EFCAB8: variants seen among roughly 807,000 people sequenced by gnomAD.
The protein encoded by EFCAB8 is EF-hand calcium-binding domain-containing protein 8.
A neutral mutation model predicts 116.3 loss-of-function variants in EFCAB8; 100 were observed. That is an observed-to-expected ratio of 0.86 (90% CI 0.73 to 1.02). The LOEUF (loss-of-function observed/expected upper bound fraction) is 1.02. Among genes scored for constraint, EFCAB8 ranks in the 50% least tolerant of loss-of-function variants. EFCAB8 has a pLI of 0.00. For missense variants in EFCAB8, 1,320 were observed against 1,416.9 expected (o/e 0.93, Z 1.10); for synonymous variants, 558 against 567.9 (o/e 0.98, Z 0.25).
intron 13 of EFCAB8, among the ~76,000 whole-genome samples, chr20:32,907,564 G>T (rs1479973480): frequency 6.6e-6 from 1 of 152,198 alleles, no homozygotes; most frequent in African/African-American, 2.4e-5. Context: ...CTCCTTTAGG[G>T]GACAGGTTAC....
At chr20:32,883,746 A>G (rs1270832438) in intron 5 of EFCAB8, among the ~76,000 whole-genome samples, 1 of 151,638 alleles carries the variant, frequency 6.6e-6, no homozygotes, top group Non-Finnish European at 1.5e-5. Flanking sequence ...GCTGGAGTGC[A>G]GTGGCGCAAT....
At chr20:32,893,326 G>A in intron 9 of EFCAB8, 28 bp downstream of exon 9, 2 of 1,551,448 alleles carry the variant, frequency 1.3e-6, no homozygotes, top group Non-Finnish European at 1.7e-6. Context: ...GAAGGGGGCA[G>A]AGGCCTGGGC....
intron 5 of EFCAB8, 117 bp from the exon 6 acceptor site, chr20:32,885,388 G>A: frequency 3.6e-6 from 5 of 1,389,640 alleles, no homozygotes; most frequent in South Asian, 1.4e-5. Flanking sequence ...GCGTGCGTGT[G>A]CGTGACGCTC....
chr20:32,883,248 G>A (rs1273029009), intron 5 of EFCAB8, among the ~76,000 whole-genome samples: 1 of 152,190 alleles, frequency 6.6e-6, no homozygotes. Context: ...ATATCCTTCA[G>A]TCGTAGGGGT....
At chr20:32,861,164 T>C (rs570402920) in intron 1 of EFCAB8, among the ~76,000 whole-genome samples, 10 of 152,238 alleles carry the variant, frequency 6.6e-5, no homozygotes, top group Non-Finnish European at 1.2e-4. Flanking sequence ...TCTGTGTCTA[T>C]AATGGTTCAC....
chr20:32,949,352 T>C (rs1988729653), intron 23 of EFCAB8, among the ~76,000 whole-genome samples: 1 of 152,204 alleles, frequency 6.6e-6, no homozygotes, highest in South Asian at 2.1e-4. Flanking sequence ...TCCAAATTGA[T>C]TTATAGGTTA....
At chr20:32,918,313 A>G (rs1260238798) in intron 18 of EFCAB8, 49 bp from the exon 19 acceptor site, 1 of 1,535,064 alleles carries the variant, frequency 6.5e-7, no homozygotes, top group African/African-American at 1.4e-5. Flanking sequence ...TCCTGAATTT[A>G]CCTCTACGAC....
intron 23 of EFCAB8, among the ~76,000 whole-genome samples, chr20:32,946,352 A>G (rs1050965325): frequency 1.3e-5 from 2 of 152,224 alleles, no homozygotes; most frequent in Admixed American, 6.5e-5. Context: ...AGGGATTACA[A>G]GTGAGCACTA....
At chr20:32,909,094 G>A (rs6088034) in intron 14 of EFCAB8, among the ~76,000 whole-genome samples, 84,168 of 152,066 alleles carry the variant, frequency 0.55, 23,701 homozygotes, top group Middle Eastern at 0.67. Context: ...TGCGGGGGCC[G>A]CTCGTGCTTG....
intron 6 of EFCAB8, among the ~76,000 whole-genome samples, chr20:32,886,483 G>A (rs1199942672): frequency 1.3e-5 from 2 of 152,160 alleles, no homozygotes; most frequent in African/African-American, 4.8e-5. Context: ...GGCTTTCTGA[G>A]CCTGTGTAAC....
chr20:32,938,227 T>G lies in EFCAB8; in HGVS notation c.2791-5409T>G, dbSNP rs528735966. The stretch of plus-strand genomic sequence containing the variant: ...AACAAAAGCCATATGATTATGCCAA[T>G]AGATGCAAAAAGAGCATTTAACAAA... On this transcript the variant is annotated intron_variant, in intron 22 of 26. Coordinates refer to ENST00000400522, the MANE Select transcript of EFCAB8 (RefSeq NM_001143967.2). Among the ~76,000 whole-genome samples the G allele has an allele frequency of 1.4e-4, 21 of 150,088 alleles. 1 individual carries two copies. The South Asian group carries it at 4.4e-3, about 32-fold the overall frequency.
In EFCAB8 at chr20:32,889,515, C is replaced by CT. The variant is rs1199581714; in HGVS notation, c.673+110dup. 9 of 1,128,766 alleles carry CT rather than the reference C, an allele frequency of 8.0e-6. No individual in the cohort carries two copies. In the Admixed American group the frequency reaches 1.9e-4, roughly 23 times the overall value. 69.9% of individuals were successfully genotyped at this position (1,128,766 alleles called of 1,614,324 possible). ...AACTGTGAACATGGATCAGAGCCCC[C>CT]TGGGAGGATAGCCAGGTGGAGAGGC... On this transcript the variant is annotated intron_variant, in intron 7 of 26. Coordinates refer to ENST00000400522, the MANE Select transcript of EFCAB8 (RefSeq NM_001143967.2).
intron 23 of EFCAB8, among the ~76,000 whole-genome samples, chr20:32,952,151 G>C (rs1220251567): frequency 6.6e-6 from 1 of 152,076 alleles, no homozygotes; most frequent in Non-Finnish European, 1.5e-5. Flanking sequence ...TATAGTCCCA[G>C]CTATTCAGGA....
chr20:32,947,889 G>A, intron 23 of EFCAB8, among the ~76,000 whole-genome samples: 1 of 134,556 alleles, frequency 7.4e-6, no homozygotes, highest in Admixed American at 7.7e-5. Flanking sequence ...AACATAACAA[G>A]ACCCCATCTC....
intron 22 of EFCAB8, among the ~76,000 whole-genome samples, chr20:32,939,781 G>A (rs1195278197): frequency 4.2e-5 from 6 of 144,292 alleles, no homozygotes; most frequent in South Asian, 2.2e-4. Flanking sequence ...TGCAACCTCC[G>A]CCTCCCAGAT....
chr20:32,947,073 A>G (rs1173084887), intron 23 of EFCAB8, among the ~76,000 whole-genome samples: 2 of 152,192 alleles, frequency 1.3e-5, no homozygotes, highest in East Asian at 1.9e-4. Flanking sequence ...TTGGATGATT[A>G]TGAATGAAGC....
Position 32,905,439 on chromosome 20 carries a change from T to C in EFCAB8, c.1089-1123T>C, listed in dbSNP as rs529073344. On this transcript the variant is annotated intron_variant, in intron 11 of 26. Transcript: ENST00000400522. ...GATGGCAGTAAACTGTTTGTCCAGATCCCCCTCTGTGTCCCTGTGTCTTCA... is the reference window on the plus strand; with the variant it reads ...GATGGCAGTAAACTGTTTGTCCAGACCCCCCTCTGTGTCCCTGTGTCTTCA... Among the ~76,000 whole-genome samples the C allele has an allele frequency of 1.7e-3, 263 of 152,194 alleles. 1 individual carries two copies. Among genetic ancestry groups the C allele is most frequent in the African/African-American group, 6.1e-3 (253 of 41,524 alleles).
chr20:32,907,266 T>C lies in EFCAB8; in HGVS notation c.1308+272T>C, dbSNP rs550426953. On this transcript the variant is annotated intron_variant, in intron 13 of 26. Coordinates refer to ENST00000400522, the MANE Select transcript of EFCAB8 (RefSeq NM_001143967.2). ...GTCCTCAGTCTCCCTATCCATAGAATGGGCTGTTGAGTGGTTTAGAGAACC... is the reference window on the plus strand; with the variant it reads ...GTCCTCAGTCTCCCTATCCATAGAACGGGCTGTTGAGTGGTTTAGAGAACC... The C allele has an allele frequency of 9.1e-5, 28 of 306,064 alleles. No homozygotes were observed. The South Asian group carries it at 3.2e-3, about 35-fold the overall frequency. The allele number at this position is 306,064 out of a possible 1,614,324, so 19.0% of individuals were successfully genotyped here. A position where few individuals can be genotyped will look rare whatever the true frequency, so the allele number is the denominator to read the frequency against.
intron 20 of EFCAB8, among the ~76,000 whole-genome samples, chr20:32,921,438 A>G (rs1987450196): frequency 6.7e-6 from 1 of 150,042 alleles, no homozygotes. Context: ...CTGGTCTCGA[A>G]CTCCTGGGCT....
Sources: gnomAD v4.1 joint callset for allele counts (sites outside exome capture counted in the v4.1 genomes callset) on GRCh38, gnomAD v4.1.1 for gene constraint, MANE v1.5 for transcripts, NCBI Gene and HGNC (gene_info 2026-07-23, HGNC 2026-07-21) for gene names.